The following FRMD3 variants were observed in gnomAD, a reference collection of about 807,000 sequenced individuals.
The protein encoded by FRMD3 is FERM domain-containing protein 3.
Under a neutral mutation model 70.2 loss-of-function variants are expected in FRMD3, and 33 were observed. The ratio of observed to expected loss-of-function variants is 0.47; its 90% confidence interval spans 0.36 to 0.63. The LOEUF (loss-of-function observed/expected upper bound fraction) is 0.63, where lower values mean the gene tolerates loss of function less well. Ranked by LOEUF, FRMD3 falls within the 20% of genes least tolerant of loss-of-function variation. The pLI is 0.00. For missense variants in FRMD3, 632 were observed against 711.4 expected, an observed-to-expected ratio of 0.89 and a Z score of 1.27; for synonymous variants, 279 against 255.9, an observed-to-expected ratio of 1.09 and a Z score of -0.86.
chr9:83,397,185 C>T (rs1021935999), intron 1 of FRMD3, among the ~76,000 whole-genome samples: 6 of 152,124 alleles, frequency 3.9e-5, no homozygotes, highest in Non-Finnish European at 8.8e-5. Flanking sequence ...GAAGCTGGAC[C>T]GTAAAGGTCT....
intron 1 of FRMD3, among the ~76,000 whole-genome samples, chr9:83,502,447 G>GA (rs1829089826): frequency 6.6e-6 from 1 of 152,200 alleles, no homozygotes; most frequent in Non-Finnish European, 1.5e-5. Flanking sequence ...TTTATGAAAA[G>GA]AAATGAGTTA....
At chr9:83,256,757 A>C (rs574347985) in intron 13 of FRMD3, among the ~76,000 whole-genome samples, 227 of 152,226 alleles carry the variant, frequency 1.5e-3, no homozygotes, top group Non-Finnish European at 2.6e-3. Context: ...AAACATATGA[A>C]AAAAAAAGCT....
At chr9:83,302,078 G>A (rs1411749094) in intron 10 of FRMD3, among the ~76,000 whole-genome samples, 1 of 152,186 alleles carries the variant, frequency 6.6e-6, no homozygotes, top group Non-Finnish European at 1.5e-5. Flanking sequence ...TGACACCCAT[G>A]CACTGGGAAT....
chr9:83,400,697 G>A (rs940148737), intron 1 of FRMD3, among the ~76,000 whole-genome samples: 1 of 152,162 alleles, frequency 6.6e-6, no homozygotes, highest in Non-Finnish European at 1.5e-5. Flanking sequence ...ATAGAAAAAT[G>A]AAACACAATA....
intron 13 of FRMD3, among the ~76,000 whole-genome samples, chr9:83,290,368 T>C (rs530129799): frequency 1.3e-4 from 20 of 152,164 alleles, no homozygotes; most frequent in Non-Finnish European, 2.5e-4. Context: ...AGTCTTTTCA[T>C]ATATAATTTT....
intron 13 of FRMD3, among the ~76,000 whole-genome samples, chr9:83,285,430 TTATAAAAATTCTG>T (rs1445453255): frequency 6.6e-6 from 1 of 152,158 alleles, no homozygotes; most frequent in African/African-American, 2.4e-5. Context: ...AGACCCTCCT[TTATAAAAATTCTG>T]GTGTCTCCAT....
At chr9:83,418,882 G>A (rs1029226316) in intron 1 of FRMD3, among the ~76,000 whole-genome samples, 2 of 152,170 alleles carry the variant, frequency 1.3e-5, no homozygotes, top group Non-Finnish European at 2.9e-5. Flanking sequence ...ACCAACCTAA[G>A]TGCCCATCAA....
intron 2 of FRMD3, among the ~76,000 whole-genome samples, chr9:83,384,128 C>T (rs575047770): frequency 6.6e-6 from 1 of 152,304 alleles, no homozygotes; most frequent in East Asian, 1.9e-4. Flanking sequence ...TACCTGTCTG[C>T]CCCTGACACA....
intron 1 of FRMD3, among the ~76,000 whole-genome samples, chr9:83,476,383 CAAA>C (rs35937281): frequency 1.1e-4 from 13 of 114,042 alleles, no homozygotes; most frequent in African/African-American, 1.9e-4. Context: ...GACTCTCTCT[CAAA>C]AAAAAAAAAA....
chr9:83,253,539 G>A (rs1250724563), intron 13 of FRMD3, among the ~76,000 whole-genome samples: 1 of 152,162 alleles, frequency 6.6e-6, no homozygotes, highest in African/African-American at 2.4e-5. Context: ...GGCCATCAGA[G>A]AAATGCAAAT....
At chr9:83,465,548 A>G (rs190428545) in intron 1 of FRMD3, among the ~76,000 whole-genome samples, 12 of 152,172 alleles carry the variant, frequency 7.9e-5, no homozygotes, top group Admixed American at 2.0e-4. Flanking sequence ...AGGCCTTTTG[A>G]TTTTCCTTTG....
intron 13 of FRMD3, among the ~76,000 whole-genome samples, chr9:83,252,521 C>T (rs1832476791): frequency 6.6e-6 from 1 of 152,104 alleles, no homozygotes; most frequent in African/African-American, 2.4e-5. Flanking sequence ...CATAACAATA[C>T]TAACCTTAAA....
chr9:83,564,256 T>G, the FRMD3 span, among the ~76,000 whole-genome samples: 6 of 152,142 alleles, frequency 3.9e-5, no homozygotes, highest in Admixed American at 3.9e-4. Context: ...TAATCCCCAC[T>G]GCTGTATACA....
intron 5 of FRMD3, among the ~76,000 whole-genome samples, chr9:83,341,931 A>G (rs1434130687): frequency 1.3e-5 from 2 of 152,154 alleles, no homozygotes; most frequent in South Asian, 2.1e-4. Context: ...AGGTTTCTCA[A>G]TCAGTGACAA....
intron 1 of FRMD3, among the ~76,000 whole-genome samples, chr9:83,477,719 C>A (rs1828434071): frequency 6.6e-6 from 1 of 152,150 alleles, no homozygotes; most frequent in African/African-American, 2.4e-5. Context: ...TTCCAGACCT[C>A]CTCCATGACT....
At chr9:83,432,243 T>C (rs991173947) in intron 1 of FRMD3, among the ~76,000 whole-genome samples, 5 of 151,938 alleles carry the variant, frequency 3.3e-5, no homozygotes, top group African/African-American at 4.8e-5. Flanking sequence ...TGGGCTAGAG[T>C]GATATTTTAA....
chr9:83,349,752 G>T lies in FRMD3; in HGVS notation c.301C>A (p.Pro101Thr). Residue 101 changes from proline to threonine, a missense_variant, in exon 4 of 14, where the codon CCA (proline) becomes ACA (threonine). By Grantham distance (38) the Pro-to-Thr change is conservative (BLOSUM62 -1). Transcript: ENST00000304195. Reference sequence around the variant, plus strand: ...ACTCTAAAGCACATGGTGTATGGTGGATGAGCTGAAACATCATAAAGAAAA... The same window carrying T: ...ACTCTAAAGCACATGGTGTATGGTGTATGAGCTGAAACATCATAAAGAAAA... ...KSIFKQMKTHPPYTMCFRVKF... is the reference protein window; with the variant it reads ...KSIFKQMKTHTPYTMCFRVKF... The T allele has an allele frequency of 6.2e-7, 1 of 1,608,912 alleles. No individual in the cohort carries two copies. Among genetic ancestry groups the T allele is most frequent in the Non-Finnish European group, 8.5e-7 (1 of 1,176,216 alleles).
At position 83,332,591 on chromosome 9, in the gene FRMD3, G is replaced by A. The variant is rs548476484; in HGVS notation, c.596+2925C>T. ...GCAGAATAATCCTAATCAATAAAAAGGCTGGGAGAAGGTTGTGAAACCACC... is the reference window on the plus strand; with the variant it reads ...GCAGAATAATCCTAATCAATAAAAAAGCTGGGAGAAGGTTGTGAAACCACC... On this transcript the variant is annotated intron_variant, in intron 6 of 13. Transcript: ENST00000304195. Among the ~76,000 whole-genome samples, 48 of 152,096 alleles carry A rather than the reference G, an allele frequency of 3.2e-4. 1 individual carries two copies. Among genetic ancestry groups the A allele is most frequent in the Non-Finnish European group, 6.8e-4 (46 of 68,016 alleles).
chr9:83,517,503 A>G, intron 1 of FRMD3, among the ~76,000 whole-genome samples: 1 of 149,574 alleles, frequency 6.7e-6, no homozygotes, highest in East Asian at 1.9e-4. Flanking sequence ...CCAAAAAAAA[A>G]AAAAAAAAAA....
Sources: allele counts gnomAD v4.1 joint callset (sites outside exome capture counted in the v4.1 genomes callset), GRCh38; gene constraint gnomAD v4.1.1; transcripts MANE v1.5; gene names NCBI Gene and HGNC (gene_info 2026-07-23, HGNC 2026-07-21).